Variants in CHN2 observed in about 807,000 individuals in gnomAD.
The protein encoded by CHN2 is beta-chimaerin.
In CHN2, 35 loss-of-function variants were observed where a neutral mutation model predicts 56.3. The ratio of observed to expected loss-of-function variants is 0.62; its 90% confidence interval spans 0.47 to 0.82. CHN2 has a LOEUF of 0.82. Ranked by LOEUF, CHN2 falls within the 40% of genes least tolerant of loss-of-function variation. CHN2 has a pLI of 0.00. For synonymous variants in CHN2, 210 were observed against 212.8 expected, an observed-to-expected ratio of 0.99 and a Z score of 0.12; for missense variants, 491 against 580.5, an observed-to-expected ratio of 0.85 and a Z score of 1.58.
chr7:29,295,322 C>CACACACACACAT (rs1793046143), intron 1 of CHN2, among the ~76,000 whole-genome samples: 4 of 151,392 alleles, frequency 2.6e-5, no homozygotes, highest in South Asian at 2.1e-4. Context: ...TGAACACACA[C>CACACACACACAT]ACACACACAC....
chr7:29,384,065 G>A (rs1350549856), intron 3 of CHN2, among the ~76,000 whole-genome samples: 1 of 152,136 alleles, frequency 6.6e-6, no homozygotes, highest in Non-Finnish European at 1.5e-5. Context: ...TCTAGCTTGG[G>A]CATTGAGTGG....
chr7:29,216,840 A>G (rs1436991029), intron 1 of CHN2, among the ~76,000 whole-genome samples: 2 of 152,204 alleles, frequency 1.3e-5, no homozygotes, highest in African/African-American at 2.4e-5. Flanking sequence ...TGCGAATGCT[A>G]TGTTTGCATT....
chr7:29,462,632 C>G (rs1362383914), intron 6 of CHN2, among the ~76,000 whole-genome samples: 1 of 152,150 alleles, frequency 6.6e-6, no homozygotes, highest in Non-Finnish European at 1.5e-5. Context: ...AACATGGCAG[C>G]CTTGGGATAG....
Position 29,468,193 on chromosome 7 carries a change from A to G in CHN2, c.577-12086A>G, listed in dbSNP as rs908386487. On this transcript the variant is annotated intron_variant, in intron 6 of 12. Transcript: ENST00000222792. ...AAAATTTTGTTTGGTGTTGAGATTG[A>G]TGATGCCATACTTCCACCAAAAGGA... is the stretch of plus-strand genomic sequence containing the variant. Among the ~76,000 whole-genome samples, 5 of 117,738 alleles carry G rather than the reference A, an allele frequency of 4.2e-5. No individual in the cohort carries two copies. The Admixed American group carries it at 5.0e-4, about 12-fold the overall frequency. 77.2% of individuals were successfully genotyped at this position (117,738 alleles called of 152,430 possible). A position where few individuals can be genotyped will look rare whatever the true frequency, so the allele number is the denominator to read the frequency against.
At chr7:29,349,939 C>G (rs1291620059) in intron 1 of CHN2, among the ~76,000 whole-genome samples, 1 of 152,154 alleles carries the variant, frequency 6.6e-6, no homozygotes, top group Non-Finnish European at 1.5e-5. Context: ...TACCTTGTAT[C>G]TCCTGGACTT....
intron 1 of CHN2, among the ~76,000 whole-genome samples, chr7:29,277,933 G>T (rs1293973912): frequency 6.6e-6 from 1 of 152,200 alleles, no homozygotes; most frequent in Non-Finnish European, 1.5e-5. Flanking sequence ...TAAGTTAGGT[G>T]TTGTTATTAT....
intron 4 of CHN2, among the ~76,000 whole-genome samples, chr7:29,395,406 C>T (rs1801666307): frequency 6.6e-6 from 1 of 152,072 alleles, no homozygotes; most frequent in Non-Finnish European, 1.5e-5. Context: ...GCCTATGGTC[C>T]CAGCTACTCA....
At chr7:29,439,469 G>T (rs1401714387) in intron 6 of CHN2, among the ~76,000 whole-genome samples, 1 of 152,154 alleles carries the variant, frequency 6.6e-6, no homozygotes, top group African/African-American at 2.4e-5. Context: ...TTCCCCACAA[G>T]ATCTTTCCAT....
intron 1 of CHN2, among the ~76,000 whole-genome samples, chr7:29,288,677 G>C (rs1017735922): frequency 1.6e-4 from 24 of 152,270 alleles, no homozygotes; most frequent in African/African-American, 5.3e-4. Context: ...GAACAATAAG[G>C]AACCAGAATT....
chr7:29,200,460 TC>T (rs1347876065), intron 1 of CHN2, among the ~76,000 whole-genome samples: 1 of 84,374 alleles, frequency 1.2e-5, no homozygotes, highest in Non-Finnish European at 2.3e-5. Context: ...CTTCGCCCCT[TC>T]CCCCCTCCCC....
rs550758216 is a variant in CHN2 at position 29,431,427 on chromosome 7, A to C, written c.576+30599A>C. ...AGATCAGCTTCTTCCCTCATATTTC[A>C]CCCTTGTTCCCTAGCTCACTGCCCA... is the stretch of plus-strand genomic sequence containing the variant. On this transcript the variant is annotated intron_variant, in intron 6 of 12. Coordinates refer to ENST00000222792, the MANE Select transcript of CHN2 (RefSeq NM_004067.4). 2.0e-5 allele frequency among the ~76,000 whole-genome samples: 3 copies of C among 151,914 alleles called. No homozygotes were observed. In the South Asian group the frequency reaches 6.3e-4, roughly 32 times the overall value.
intron 6 of CHN2, among the ~76,000 whole-genome samples, chr7:29,432,470 G>A (rs540119575): frequency 5.3e-5 from 8 of 152,288 alleles, no homozygotes; most frequent in Admixed American, 1.3e-4. Flanking sequence ...CAAGTTTGCT[G>A]ATCAGGGCAA....
At chr7:29,250,994 G>C (rs1788466906) in intron 1 of CHN2, among the ~76,000 whole-genome samples, 1 of 152,186 alleles carries the variant, frequency 6.6e-6, no homozygotes. Context: ...ACAGGCATGA[G>C]CCACTGCACC....
intron 1 of CHN2, among the ~76,000 whole-genome samples, chr7:29,239,800 G>A (rs572045866): frequency 1.3e-5 from 2 of 152,212 alleles, no homozygotes; most frequent in African/African-American, 4.8e-5. Context: ...CAGTGAGGTG[G>A]GGAGTTTGGG....
In CHN2 at chr7:29,351,632, A is replaced by G. The variant is rs1007330151; in HGVS notation, c.50-2993A>G. 5.9e-5 allele frequency among the ~76,000 whole-genome samples: 9 copies of G among 152,282 alleles called. No individual in the cohort carries two copies. The East Asian group carries it at 1.5e-3, about 26-fold the overall frequency. The stretch of plus-strand genomic sequence containing the variant: ...GAGCCAGTGAGCCATGCAGCGATCT[A>G]TTGGAGGGCATTTTACCTGCAGAGT... On this transcript the variant is annotated intron_variant, in intron 1 of 12. Transcript: ENST00000222792.
intron 1 of CHN2, among the ~76,000 whole-genome samples, chr7:29,323,479 G>T (rs1340001884): frequency 1.3e-5 from 2 of 152,128 alleles, no homozygotes; most frequent in Non-Finnish European, 2.9e-5. Flanking sequence ...TACTTTACTG[G>T]AACAGCCTGA....
chr7:29,254,542 C>T (rs777191653), intron 1 of CHN2, among the ~76,000 whole-genome samples: 11 of 152,092 alleles, frequency 7.2e-5, no homozygotes, highest in East Asian at 1.9e-4. Flanking sequence ...CAACAGAAGC[C>T]GCTCTAAGGA....
chr7:29,449,485 T>C (rs1299733359), intron 6 of CHN2, among the ~76,000 whole-genome samples: 4 of 152,138 alleles, frequency 2.6e-5, no homozygotes, highest in Admixed American at 2.0e-4. Flanking sequence ...AAATATAAAA[T>C]ATGGGAAAGT....
intron 1 of CHN2, among the ~76,000 whole-genome samples, chr7:29,196,729 A>G (rs1783755512): frequency 6.6e-6 from 1 of 152,246 alleles, no homozygotes; most frequent in Non-Finnish European, 1.5e-5. Context: ...ATGTAGCTTA[A>G]GAAACCTGAT....
Sources: gnomAD v4.1 joint callset for allele counts (sites outside exome capture counted in the v4.1 genomes callset) on GRCh38, gnomAD v4.1.1 for gene constraint, MANE v1.5 for transcripts, NCBI Gene and HGNC (gene_info 2026-07-23, HGNC 2026-07-21) for gene names.